FGF13: variants seen among roughly 807,000 people sequenced by gnomAD.
FGF13 encodes fibroblast growth factor homologous factor 2.
A neutral mutation model predicts 19.5 loss-of-function variants in FGF13; 2 were observed. The observed-to-expected ratio is 0.10, with a 90% CI of 0.04 to 0.32. FGF13 has a LOEUF of 0.32. Among genes scored for constraint, FGF13 ranks in the 10% least tolerant of loss-of-function variants. FGF13 has a pLI of 1.00. For missense variants in FGF13, 113 were observed against 192.7 expected (o/e 0.59, Z 2.45); for synonymous variants, 72 against 76.9 (o/e 0.94, Z 0.33).
intron 1 of FGF13, among the ~76,000 whole-genome samples, chrX:138,977,985 C>T (rs186669332): frequency 4.5e-5 from 5 of 111,477 alleles, no homozygotes; most frequent in Non-Finnish European, 9.4e-5. Context: ...TCAGATTAGC[C>T]GGATTTCAAG....
intron 2 of FGF13, among the ~76,000 whole-genome samples, chrX:138,858,763 AAAAT>A (rs1053910724): frequency 9.0e-6 from 1 of 110,625 alleles, no homozygotes; most frequent in Non-Finnish European, 1.9e-5. Context: ...TGTAAAAAAA[AAAAT>A]AAATAAATAA....
intron 3 of FGF13, among the ~76,000 whole-genome samples, chrX:138,830,167 G>A (rs779983822): frequency 6.2e-5 from 7 of 112,354 alleles, no homozygotes; most frequent in African/African-American, 1.9e-4. Context: ...ACTGGGTAAT[G>A]GGCAGAGGCT....
At chrX:138,930,674 T>C (rs935976335) in intron 1 of FGF13, among the ~76,000 whole-genome samples, 1 of 112,327 alleles carries the variant, frequency 8.9e-6, no homozygotes, top group African/African-American at 3.2e-5. Context: ...ACCGTCCCCA[T>C]GCAGTTATAT....
chrX:139,153,840 GAA>G (rs1334260688), intron 1 of FGF13, among the ~76,000 whole-genome samples: 12 of 110,619 alleles, frequency 1.1e-4, no homozygotes, highest in African/African-American at 3.0e-4. Context: ...AGAGAAAGGG[GAA>G]ATACATGCAC....
At chrX:139,029,759 C>T (rs1298180972) in intron 1 of FGF13, among the ~76,000 whole-genome samples, 7 of 110,954 alleles carry the variant, frequency 6.3e-5, no homozygotes, top group African/African-American at 2.3e-4. Flanking sequence ...GCTCAATTTA[C>T]CTGCTTGGTG....
intron 1 of FGF13, among the ~76,000 whole-genome samples, chrX:139,014,618 C>A (rs2092145145): frequency 9.0e-6 from 1 of 111,057 alleles, no homozygotes; most frequent in African/African-American, 3.3e-5. Flanking sequence ...TGGTAGAATT[C>A]ACTGTTGAAT....
intron 1 of FGF13, among the ~76,000 whole-genome samples, chrX:139,070,646 A>G (rs1280046150): frequency 8.9e-6 from 1 of 112,502 alleles, no homozygotes; most frequent in African/African-American, 3.2e-5. Flanking sequence ...CCAAAGGATT[A>G]CAAATCATTC....
At chrX:139,111,851 T>G (rs761526918) in intron 1 of FGF13, among the ~76,000 whole-genome samples, 7 of 112,217 alleles carry the variant, frequency 6.2e-5, no homozygotes, top group Admixed American at 5.7e-4. Flanking sequence ...CATGAAGCAT[T>G]TTTTATTCCT....
chrX:139,140,748 A>G (rs773771034), intron 1 of FGF13, among the ~76,000 whole-genome samples: 44 of 110,573 alleles, frequency 4.0e-4, no homozygotes, highest in African/African-American at 1.3e-3. Flanking sequence ...ATGTCTTCCC[A>G]TCTCACTCAA....
At chrX:138,823,995 A>G (rs184246926) in intron 3 of FGF13, among the ~76,000 whole-genome samples, 1 of 112,189 alleles carries the variant, frequency 8.9e-6, no homozygotes. Context: ...TTATCTGAGC[A>G]TATTTATATT....
intron 1 of FGF13, among the ~76,000 whole-genome samples, chrX:139,053,567 T>C (rs2092310142): frequency 9.0e-6 from 1 of 111,322 alleles, no homozygotes; most frequent in Non-Finnish European, 1.9e-5. Flanking sequence ...GAACTGTCTA[T>C]TCATGTCTTT....
intron 1 of FGF13, among the ~76,000 whole-genome samples, chrX:139,051,485 G>T (rs181792397): frequency 1.4e-4 from 16 of 111,690 alleles, no homozygotes; most frequent in Non-Finnish European, 2.8e-4. Context: ...AACTACTTGG[G>T]TCATAGTTGG....
chrX:138,820,359 T>C (rs1435782907), intron 3 of FGF13, among the ~76,000 whole-genome samples: 1 of 111,880 alleles, frequency 8.9e-6, no homozygotes, highest in Admixed American at 9.5e-5. Context: ...CCTAGTGCAA[T>C]GCTTAGCACT....
chrX:138,731,191 T>C (rs2090227673), intron 1 of FGF13, among the ~76,000 whole-genome samples: 1 of 111,404 alleles, frequency 9.0e-6, no homozygotes, highest in South Asian at 3.7e-4. Flanking sequence ...TATGGAAGAA[T>C]TGTACAACAC....
chrX:138,676,713 G>A (rs2124181790), intron 3 of FGF13, among the ~76,000 whole-genome samples: 1 of 111,451 alleles, frequency 9.0e-6, no homozygotes, highest in East Asian at 2.9e-4. Flanking sequence ...TCCTCCACAT[G>A]TGCAGCTCAC....
intron 1 of FGF13, among the ~76,000 whole-genome samples, chrX:138,928,246 A>C (rs2091683964): frequency 9.0e-6 from 1 of 110,552 alleles, no homozygotes; most frequent in South Asian, 3.8e-4. Flanking sequence ...TGAATCCTCC[A>C]GACTGAGCAA....
Position 138,618,552 on chromosome X carries a change from C to T in FGF13, c.*14298G>A, listed in dbSNP as rs1312608455. ...CACAGACTCCATCAGGAGGCCCACC[C>T]ACTAGTGGCTTGGGATGCCTGAACT... On this transcript the variant is annotated 3_prime_UTR_variant, in exon 5 of 5. Transcript: ENST00000315930. The T allele has an allele frequency of 4.5e-5, 5 of 111,693 alleles. No homozygotes were observed. The highest frequency in any genetic ancestry group is 9.4e-5 in the Non-Finnish European group (5 of 53,221). 9.2% of individuals were successfully genotyped at this position (111,693 alleles called of 1,213,427 possible).
At chrX:139,081,644 C>T (rs1354410582) in intron 1 of FGF13, among the ~76,000 whole-genome samples, 2 of 111,810 alleles carry the variant, frequency 1.8e-5, no homozygotes, top group Admixed American at 9.5e-5. Flanking sequence ...CAAACCCTCT[C>T]GCTTTGCAGT....
At chrX:138,651,835 C>T (rs182059540) in intron 3 of FGF13, among the ~76,000 whole-genome samples, 348 of 112,070 alleles carry the variant, frequency 3.1e-3, no homozygotes, top group African/African-American at 0.011. Flanking sequence ...GCCAGTGAGG[C>T]CACATGGGGT....
Sources: allele counts gnomAD v4.1 joint callset (sites outside exome capture counted in the v4.1 genomes callset), GRCh38; gene constraint gnomAD v4.1.1; transcripts MANE v1.5; gene names NCBI Gene and HGNC (gene_info 2026-07-23, HGNC 2026-07-21).